The following RAB40A variants were observed in gnomAD, a reference collection of about 807,000 sequenced individuals.
RAB40A encodes the protein ras-related protein Rab-40A.
For synonymous variants in RAB40A, 65 were observed against 99.9 expected (o/e 0.65, Z 2.08); for missense variants, 145 against 230.2 (o/e 0.63, Z 2.40).
rs200052902 is a variant in RAB40A at position 103,500,216 on chromosome X, T to A, written c.541A>T (p.Asn181Tyr). Reference protein sequence around the residue: ...ARIVLLRHRMNWLGRPSKVLS... With the variant: ...ARIVLLRHRMYWLGRPSKVLS... ...ACCTTGCTCGGCCTCCCGAGCCAAT[T>A]CATCCTGTGCCGCAGCAGCACTATC... Residue 181 changes from asparagine (N) to tyrosine (Y), a missense_variant, in exon 3 of 3, where the codon AAT becomes TAT. Physicochemically the swap from Asn to Tyr is moderately radical, Grantham distance 143. Coordinates refer to ENST00000304236, the MANE Select transcript of RAB40A (RefSeq NM_080879.3). 1.7e-6 allele frequency: 2 copies of A among 1,209,281 alleles called. No homozygotes were observed. The highest frequency in any genetic ancestry group is 2.2e-6 in the Non-Finnish European group (2 of 894,609).
chrX:103,501,276 C>T (rs929431368), intron 2 of RAB40A: 4 of 126,532 alleles, frequency 3.2e-5, no homozygotes, highest in African/African-American at 1.3e-4. Flanking sequence ...TTTTTTAAAA[C>T]ATTGCCATTA....
chrX:103,502,250 A>C (rs1443900137), intron 2 of RAB40A: 1 of 98,434 alleles, frequency 1.0e-5, no homozygotes, highest in East Asian at 3.0e-4. Flanking sequence ...CAAATAGAGA[A>C]AAAAAAAACC....
intron 2 of RAB40A, chrX:103,503,173 A>G (rs374318930): frequency 1.3e-6 from 1 of 753,866 alleles, no homozygotes. Flanking sequence ...AAAAAAATTG[A>G]TTGATAGATG....
rs1241357104 is a variant in RAB40A at position 103,499,576 on chromosome X, A to G, written c.*347T>C. 6.6e-6 allele frequency: 2 copies of G among 302,836 alleles called. No homozygotes were observed. Among genetic ancestry groups the G allele is most frequent in the Non-Finnish European group, 1.2e-5 (2 of 169,706 alleles). 25.0% of individuals were successfully genotyped at this position (302,836 alleles called of 1,213,427 possible). ...TTGAATTTATACTCATCATTGCCATATCACCATTCTAACAAAGGCGGTTAT... is the reference window on the plus strand; with the variant it reads ...TTGAATTTATACTCATCATTGCCATGTCACCATTCTAACAAAGGCGGTTAT... On this transcript the variant is annotated 3_prime_UTR_variant, in exon 3 of 3. Transcript: ENST00000304236.
chrX:103,500,886 C>T (rs929386503), intron 2 of RAB40A, 60 bp from the exon 3 acceptor site: 16 of 1,056,623 alleles, frequency 1.5e-5, no homozygotes, highest in Middle Eastern at 2.8e-4. Flanking sequence ...TGAAATAAAG[C>T]GAAATGAGGT....
rs890602726 is a variant in RAB40A at position 103,500,911 on chromosome X, A to T, written c.-70-85T>A. 2.0e-5 allele frequency: 20 copies of T among 1,009,069 alleles called. No individual in the cohort carries two copies. In the South Asian group the frequency reaches 4.5e-4, roughly 22 times the overall value. 83.2% of individuals were successfully genotyped at this position (1,009,069 alleles called of 1,213,427 possible). A position where few individuals can be genotyped will look rare whatever the true frequency, so the allele number is the denominator to read the frequency against. On this transcript the variant is annotated intron_variant, in intron 2 of 2. Transcript: ENST00000304236. ...CGAAATGAGGTGGTGGCTTTGATGG[A>T]TTTCTTTTACAAACCCTAGGAAACT...
chrX:103,506,678 C>T (rs1483685054), intron 2 of RAB40A, among the ~76,000 whole-genome samples: 1 of 111,241 alleles, frequency 9.0e-6, no homozygotes, highest in African/African-American at 3.3e-5. Flanking sequence ...TTAAACTGCA[C>T]CTCTCACTGG....
intron 2 of RAB40A, chrX:103,502,248 G>GA (rs34521680): frequency 0.011 from 1,249 of 113,386 alleles, 20 homozygotes; most frequent in African/African-American, 0.039. Context: ...GGCAAATAGA[G>GA]AAAAAAAAAA....
chrX:103,496,002 T>TA (rs1284541323), downstream of RAB40A, among the ~76,000 whole-genome samples: 2 of 112,160 alleles, frequency 1.8e-5, no homozygotes, highest in African/African-American at 3.2e-5. Context: ...TTGCCCTTTT[T>TA]ATCACACCAT....
chrX:103,510,577 A>G (rs1421860373), intron 2 of RAB40A, among the ~76,000 whole-genome samples: 1 of 112,317 alleles, frequency 8.9e-6, no homozygotes, highest in African/African-American at 3.2e-5. Context: ...AAATGCATGC[A>G]GTTCTGCTTA....
In RAB40A at chrX:103,500,136, A is replaced by G. The variant is rs927904006; in HGVS notation, c.621T>C (p.His207=). 5.0e-6 allele frequency: 6 copies of G among 1,210,653 alleles called. No homozygotes were observed. The Admixed American group carries it at 1.3e-4, about 26-fold the overall frequency. The change falls in exon 3 of 3, where the codon CAT becomes CAC. Residue 207 remains histidine (H), a synonymous_variant. Transcript: ENST00000304236. ...TGGGGAGCGGGAGCTTGTCCACCAG[A>G]TGCACAGGTGTGCAGGACACGATGG... ...CRTIVSCTPV[H]LVDKLPLPST...
intron 1 of RAB40A, among the ~76,000 whole-genome samples, chrX:103,518,424 T>G (rs1432249730): frequency 1.8e-5 from 2 of 110,165 alleles, no homozygotes; most frequent in Non-Finnish European, 3.8e-5. Context: ...CCATATTGAA[T>G]CCACTTAAAA....
At chrX:103,499,128 A>G (rs1459580237), downstream of RAB40A, 2 of 115,250 alleles carry the variant, frequency 1.7e-5, no homozygotes, top group African/African-American at 6.5e-5. Context: ...AAAAATATAT[A>G]CTTTTTTACT....
At chrX:103,510,415 A>G (rs2147588779) in intron 2 of RAB40A, among the ~76,000 whole-genome samples, 1 of 112,051 alleles carries the variant, frequency 8.9e-6, no homozygotes, top group African/African-American at 3.2e-5. Flanking sequence ...CTTTTTCTCT[A>G]TCTTTATGGG....
chrX:103,497,895 A>G (rs941810158), downstream of RAB40A, among the ~76,000 whole-genome samples: 67 of 112,061 alleles, frequency 6.0e-4, no homozygotes, highest in African/African-American at 2.2e-3. Context: ...TTTAGGCTAC[A>G]TATGAAAATG....
chrX:103,500,646 A>G lies in RAB40A; in HGVS notation c.111T>C (p.Gly37=), dbSNP rs771249508. ...KSEILESLQD[G]AAESPYSHLG... is the part of the protein sequence containing the mutation. ...GATGGCTGTACGGGGACTCAGCTGCACCATCCTGCAGGCTCTCCAGGATCT... is the reference window on the plus strand; with the variant it reads ...GATGGCTGTACGGGGACTCAGCTGCGCCATCCTGCAGGCTCTCCAGGATCT... Residue 37 remains glycine (G), a synonymous_variant, in exon 3 of 3, where the codon GGT becomes GGC. Transcript: ENST00000304236. The G allele has an allele frequency of 8.3e-7, 1 of 1,210,064 alleles. No homozygotes were observed. Among genetic ancestry groups the G allele is most frequent in the South Asian group, 1.8e-5 (1 of 56,747 alleles).
intron 2 of RAB40A, among the ~76,000 whole-genome samples, chrX:103,505,417 T>C (rs1046344331): frequency 8.9e-6 from 1 of 112,016 alleles, no homozygotes; most frequent in Non-Finnish European, 1.9e-5. Context: ...TTAGCAGATA[T>C]TGCCAAATGA....
At chrX:103,493,948 C>G in the RAB40A span, among the ~76,000 whole-genome samples, 1 of 111,925 alleles carries the variant, frequency 8.9e-6, no homozygotes, top group African/African-American at 3.2e-5. Flanking sequence ...GGGTATATAC[C>G]CAGCAGTGGG....
chrX:103,504,338 A>T (rs1359700994), intron 2 of RAB40A, among the ~76,000 whole-genome samples: 1 of 110,585 alleles, frequency 9.0e-6, no homozygotes, highest in Non-Finnish European at 1.9e-5. Flanking sequence ...TAAAAGCTGA[A>T]ACTTAAAAGA....
Sources: allele counts gnomAD v4.1 joint callset (sites outside exome capture counted in the v4.1 genomes callset), GRCh38; gene constraint gnomAD v4.1.1; transcripts MANE v1.5; gene names NCBI Gene and HGNC (gene_info 2026-07-23, HGNC 2026-07-21).